PDE11A: variants seen among roughly 807,000 people sequenced by gnomAD.
PDE11A encodes the protein dual 3',5'-cyclic-AMP and -GMP phosphodiesterase 11A.
In PDE11A, 100 loss-of-function variants were observed where a neutral mutation model predicts 100.5. The observed-to-expected ratio is 1.00, with a 90% CI of 0.85 to 1.18. The LOEUF (loss-of-function observed/expected upper bound fraction) is 1.18. Among genes scored for constraint, PDE11A ranks in the 50% most tolerant of loss-of-function variants. The pLI is 0.00. For missense variants in PDE11A, 1,141 were observed against 1,152.6 expected (o/e 0.99, Z 0.15); for synonymous variants, 381 against 420.8 (o/e 0.91, Z 1.16).
chr2:177,947,078 C>T (rs866608035), intron 2 of PDE11A, among the ~76,000 whole-genome samples: 10 of 69,738 alleles, frequency 1.4e-4, no homozygotes, highest in East Asian at 4.6e-4. Context: ...TCTGCCCGGC[C>T]GCCCCTACTG....
intron 7 of PDE11A, among the ~76,000 whole-genome samples, chr2:177,818,732 C>A (rs1038852872): frequency 5.3e-5 from 8 of 151,916 alleles, no homozygotes; most frequent in Non-Finnish European, 1.2e-4. Flanking sequence ...TGAGTGATTA[C>A]TTTTTCCAAA....
chr2:177,901,893 A>C (rs569659236), intron 3 of PDE11A, among the ~76,000 whole-genome samples: 1 of 152,358 alleles, frequency 6.6e-6, no homozygotes, highest in African/African-American at 2.4e-5. Flanking sequence ...TATTTATCTC[A>C]GAGGAAAAAT....
At chr2:177,935,817 A>G (rs1321824288) in intron 2 of PDE11A, among the ~76,000 whole-genome samples, 1 of 152,204 alleles carries the variant, frequency 6.6e-6, no homozygotes, top group Non-Finnish European at 1.5e-5. Flanking sequence ...ACATCAGCCA[A>G]AAGGGAGTAA....
chr2:177,722,557 G>GCATCT (rs2081546203), intron 12 of PDE11A, among the ~76,000 whole-genome samples: 1 of 152,142 alleles, frequency 6.6e-6, no homozygotes. Flanking sequence ...CCTAATTGGG[G>GCATCT]CTCTGAGATG....
intron 9 of PDE11A, among the ~76,000 whole-genome samples, chr2:177,794,789 T>A (rs2082682508): frequency 6.6e-6 from 1 of 151,876 alleles, no homozygotes; most frequent in Non-Finnish European, 1.5e-5. Context: ...TTTGTTTGTT[T>A]GTTTGTTTGT....
chr2:177,967,005 C>A (rs537549827), intron 2 of PDE11A, among the ~76,000 whole-genome samples: 1 of 151,970 alleles, frequency 6.6e-6, no homozygotes, highest in African/African-American at 2.4e-5. Flanking sequence ...GGTTGGTAGG[C>A]TTTTATTACT....
At chr2:177,954,492 G>A (rs1317922680) in intron 2 of PDE11A, among the ~76,000 whole-genome samples, 1 of 152,156 alleles carries the variant, frequency 6.6e-6, no homozygotes, top group Non-Finnish European at 1.5e-5. Flanking sequence ...AGTTCTTGAA[G>A]TCAGTTCCAG....
At chr2:177,919,437 T>A in intron 2 of PDE11A, among the ~76,000 whole-genome samples, 1 of 152,296 alleles carries the variant, frequency 6.6e-6, no homozygotes, top group African/African-American at 2.4e-5. Context: ...ATTAGAAAGT[T>A]GAATTTAGCC....
chr2:178,058,858 G>GA (rs1438306366), intron 1 of PDE11A, among the ~76,000 whole-genome samples: 10 of 152,084 alleles, frequency 6.6e-5, no homozygotes, highest in Admixed American at 5.2e-4. Flanking sequence ...GAAGTTAGTG[G>GA]AAAAAAGAAT....
chr2:178,094,567 C>T (rs1008130732), intron 2 of PDE11A, among the ~76,000 whole-genome samples: 1 of 152,020 alleles, frequency 6.6e-6, no homozygotes, highest in Non-Finnish European at 1.5e-5. Flanking sequence ...GAAAAATACA[C>T]ATCTGAAATT....
rs978034399 is a variant in PDE11A at position 177,981,725 on chromosome 2, A to G, written c.1071+32577T>C. ...GAAGAACACAACTCACCCTATAACA[A>G]TTATTTATGAAATTATCTTGCTAGA... On this transcript the variant is annotated intron_variant, in intron 2 of 19. Coordinates refer to ENST00000286063, the MANE Select transcript of PDE11A (RefSeq NM_016953.4). 1.3e-5 allele frequency among the ~76,000 whole-genome samples: 2 copies of G among 150,908 alleles called. 1 individual carries two copies. The highest frequency in any genetic ancestry group is 3.0e-5 in the Non-Finnish European group (2 of 67,358).
At chr2:178,058,525 G>C (rs1456097542) in intron 1 of PDE11A, among the ~76,000 whole-genome samples, 1 of 152,154 alleles carries the variant, frequency 6.6e-6, no homozygotes, top group Non-Finnish European at 1.5e-5. Context: ...AGGAGTGTGA[G>C]GCCTCCTCAG....
chr2:177,992,189 C>T (rs1204994843), intron 2 of PDE11A, among the ~76,000 whole-genome samples: 3 of 151,270 alleles, frequency 2.0e-5, no homozygotes, highest in Non-Finnish European at 4.4e-5. Flanking sequence ...TAAGTGCTAA[C>T]TGAACCCAGC....
intron 2 of PDE11A, among the ~76,000 whole-genome samples, chr2:177,953,692 A>G (rs1371961725): frequency 6.6e-6 from 1 of 152,156 alleles, no homozygotes; most frequent in East Asian, 1.9e-4. Context: ...ATGTTAATTT[A>G]TCATTCTCAG....
At chr2:178,055,579 C>T (rs1017750865) in intron 1 of PDE11A, among the ~76,000 whole-genome samples, 1 of 152,222 alleles carries the variant, frequency 6.6e-6, no homozygotes, top group African/African-American at 2.4e-5. Context: ...GTTCCAAATG[C>T]ATTCACTAAG....
At chr2:178,073,437 A>G (rs2087165158), upstream of PDE11A, among the ~76,000 whole-genome samples, 1 of 152,222 alleles carries the variant, frequency 6.6e-6, no homozygotes, top group Admixed American at 6.5e-5. Flanking sequence ...ACAGAAAAAG[A>G]GTTTACCAGG....
At chr2:177,653,955 C>T (rs2080345255) in intron 19 of PDE11A, among the ~76,000 whole-genome samples, 1 of 152,202 alleles carries the variant, frequency 6.6e-6, no homozygotes, top group Non-Finnish European at 1.5e-5. Flanking sequence ...CTTGTGCAGA[C>T]ATTCTGGGAG....
intron 10 of PDE11A, among the ~76,000 whole-genome samples, chr2:177,750,139 G>A (rs1044645313): frequency 1.3e-5 from 2 of 152,084 alleles, no homozygotes; most frequent in East Asian, 1.9e-4. Flanking sequence ...TTGTCAGTTC[G>A]GTTTTATTTC....
chr2:177,667,804 C>T (rs2080612771), intron 18 of PDE11A, among the ~76,000 whole-genome samples: 1 of 152,172 alleles, frequency 6.6e-6, no homozygotes, highest in Admixed American at 6.5e-5. Context: ...GGCAGGCTTT[C>T]CTAACTGACT....
Sources: gnomAD v4.1 joint callset for allele counts (sites outside exome capture counted in the v4.1 genomes callset) on GRCh38, gnomAD v4.1.1 for gene constraint, MANE v1.5 for transcripts, NCBI Gene and HGNC (gene_info 2026-07-23, HGNC 2026-07-21) for gene names.